Variants in LRRIQ1 observed in about 807,000 individuals in gnomAD.
LRRIQ1 encodes the protein leucine-rich repeat- and IQ domain-containing protein 1.
In LRRIQ1, 210 loss-of-function variants were observed where a neutral mutation model predicts 211.9. The ratio of observed to expected loss-of-function variants is 0.99; its 90% CI spans 0.89 to 1.11. LRRIQ1 has a LOEUF of 1.11. LRRIQ1 is among the 50% of genes most tolerant of loss of function. The pLI is 0.00. For synonymous variants in LRRIQ1, 699 were observed against 650.1 expected (o/e 1.08, Z -1.14); for missense variants, 2,136 against 1,939.5 (o/e 1.10, Z -1.90).
rs778552058 is a variant in LRRIQ1 at position 85,056,159 on chromosome 12, A to G, written c.1366A>G (p.Ile456Val). 6.9e-6 allele frequency: 11 copies of G among 1,593,858 alleles called. No individual in the cohort carries two copies. Among genetic ancestry groups the G allele is most frequent in the East Asian group, 2.3e-5 (1 of 44,426 alleles). The change falls in exon 8 of 27, where the codon ATA becomes GTA. Residue 456 changes from isoleucine to valine, a missense_variant. Coordinates refer to ENST00000393217, the MANE Select transcript of LRRIQ1 (RefSeq NM_001079910.2). ...NMKENVDRQT[I>V]LKESIQVKLK... ...GAAAGAAAATGTAGATAGACAGACT[A>G]TATTAAAAGAATCAATACAAGTAAA...
intron 24 of LRRIQ1, among the ~76,000 whole-genome samples, chr12:85,194,617 G>C (rs1437779815): frequency 1.3e-5 from 2 of 151,872 alleles, no homozygotes; most frequent in African/African-American, 4.8e-5. Flanking sequence ...GATGTTCTTT[G>C]AAACCAACGA....
intron 8 of LRRIQ1, among the ~76,000 whole-genome samples, chr12:85,057,649 G>T (rs544595591): frequency 1.4e-4 from 21 of 152,112 alleles, no homozygotes; most frequent in Non-Finnish European, 2.5e-4. Context: ...GAAGACCCTA[G>T]AATTCCCATC....
At chr12:85,250,917 T>A (rs1361856621) in intron 1 of LRRIQ1, among the ~76,000 whole-genome samples, 5,988 of 78,368 alleles carry the variant, frequency 0.076, 1,411 homozygotes, top group African/African-American at 0.48. Flanking sequence ...TATAATATAT[T>A]TTATATATTA....
chr12:85,066,017 A>C (rs1395684994), intron 9 of LRRIQ1, among the ~76,000 whole-genome samples: 1 of 151,868 alleles, frequency 6.6e-6, no homozygotes, highest in Non-Finnish European at 1.5e-5. Context: ...ATCTGCTTAC[A>C]TCATGTTGGC....
intron 26 of LRRIQ1, among the ~76,000 whole-genome samples, chr12:85,239,178 T>C (rs1895342740): frequency 6.6e-6 from 1 of 152,062 alleles, no homozygotes; most frequent in Non-Finnish European, 1.5e-5. Context: ...AAATGTTCTG[T>C]AGATTCAAAG....
chr12:85,196,893 C>G (rs1213037721), intron 24 of LRRIQ1, among the ~76,000 whole-genome samples: 1 of 152,050 alleles, frequency 6.6e-6, no homozygotes, highest in Non-Finnish European at 1.5e-5. Flanking sequence ...AACAGGCAAC[C>G]TACAAAATGG....
chr12:85,167,875 G>A (rs1891229674), intron 24 of LRRIQ1, among the ~76,000 whole-genome samples: 1 of 151,894 alleles, frequency 6.6e-6, no homozygotes, highest in Non-Finnish European at 1.5e-5. Flanking sequence ...TCATAATAAT[G>A]CCTAACCTAA....
At chr12:85,086,066 C>T (rs1394124708) in intron 11 of LRRIQ1, among the ~76,000 whole-genome samples, 1 of 152,104 alleles carries the variant, frequency 6.6e-6, no homozygotes. Context: ...TATAAATGTT[C>T]CCTTTTCTCT....
chr12:85,198,357 T>C (rs1893108318), intron 24 of LRRIQ1, among the ~76,000 whole-genome samples: 1 of 150,914 alleles, frequency 6.6e-6, no homozygotes, highest in Non-Finnish European at 1.5e-5. Flanking sequence ...ATGGTAATTC[T>C]GTTTTAAGTT....
intron 23 of LRRIQ1, among the ~76,000 whole-genome samples, chr12:85,160,205 A>G (rs1428158393): frequency 1.3e-5 from 2 of 151,986 alleles, no homozygotes; most frequent in Non-Finnish European, 2.9e-5. Flanking sequence ...TTGTCTTTGA[A>G]TATATGGAGA....
chr12:85,236,078 G>A (rs1054421536), intron 26 of LRRIQ1, among the ~76,000 whole-genome samples: 4 of 152,132 alleles, frequency 2.6e-5, no homozygotes, highest in Admixed American at 2.6e-4. Flanking sequence ...TTGAAAAAGT[G>A]CAGGAGTATG....
chr12:85,209,034 A>T (rs1893704322), intron 24 of LRRIQ1, among the ~76,000 whole-genome samples: 1 of 152,204 alleles, frequency 6.6e-6, no homozygotes, highest in South Asian at 2.1e-4. Context: ...AATATTGGCA[A>T]CATAGTGAAA....
At chr12:85,107,182 A>G (rs1447899702) in intron 15 of LRRIQ1, among the ~76,000 whole-genome samples, 1 of 152,116 alleles carries the variant, frequency 6.6e-6, no homozygotes, top group Non-Finnish European at 1.5e-5. Flanking sequence ...TAATATACTA[A>G]CACGATTTCC....
At chr12:85,198,004 TATATA>T (rs1398206704) in intron 24 of LRRIQ1, among the ~76,000 whole-genome samples, 6 of 59,922 alleles carry the variant, frequency 1.0e-4, no homozygotes, top group Non-Finnish European at 1.6e-4. Context: ...ATATATAACA[TATATA>T]ATATATTATA....
intron 24 of LRRIQ1, among the ~76,000 whole-genome samples, chr12:85,205,226 C>A (rs1893484237): frequency 6.6e-6 from 1 of 152,144 alleles, no homozygotes. Flanking sequence ...ACTGTAAATC[C>A]AATTAAACCT....
chr12:85,123,664 A>G (rs1228834363), intron 16 of LRRIQ1, among the ~76,000 whole-genome samples: 1 of 152,154 alleles, frequency 6.6e-6, no homozygotes, highest in South Asian at 2.1e-4. Context: ...TAAAAGTCCA[A>G]TACAAATATT....
intron 7 of LRRIQ1, among the ~76,000 whole-genome samples, chr12:85,054,160 C>T (rs1023469048): frequency 6.6e-6 from 1 of 152,148 alleles, no homozygotes; most frequent in African/African-American, 2.4e-5. Flanking sequence ...AGGTCAGGCA[C>T]TTCTCTGAGT....
intron 23 of LRRIQ1, among the ~76,000 whole-genome samples, chr12:85,154,470 T>C (rs992331770): frequency 6.6e-6 from 1 of 151,328 alleles, no homozygotes; most frequent in Admixed American, 6.6e-5. Context: ...ATTCAATAAA[T>C]TGTATAAATT....
In LRRIQ1 at chr12:85,124,301, T is replaced by A; in HGVS notation, c.3789T>A (p.Ile1263=). ...AREGEPDSPD[I]PEKWMDSVSS... ...AAGGTGAGCCAGACTCACCAGATAT[T>A]CCTGAGAAATGGATGGACTCTGTCT... The change falls in exon 17 of 27, where the codon ATT becomes ATA. Residue 1263 remains isoleucine, a synonymous_variant. Transcript: ENST00000393217. 6.2e-7 allele frequency: 1 copy of A among 1,614,044 alleles called. No individual in the cohort carries two copies. The highest frequency in any genetic ancestry group is 1.3e-5 in the African/African-American group (1 of 75,000).
Sources: allele counts gnomAD v4.1 joint callset (sites outside exome capture counted in the v4.1 genomes callset), GRCh38; gene constraint gnomAD v4.1.1; transcripts MANE v1.5; gene names NCBI Gene and HGNC (gene_info 2026-07-23, HGNC 2026-07-21).